Variants in MARK1 observed in about 807,000 individuals in gnomAD.
MARK1 encodes microtubule affinity regulating kinase 1.
A neutral mutation model predicts 96.3 loss-of-function variants in MARK1; 40 were observed. The observed-to-expected ratio is 0.42, with a 90% confidence interval of 0.32 to 0.54. MARK1 has a LOEUF of 0.54. MARK1 is among the 20% of genes least tolerant of loss of function. The probability of loss-of-function intolerance (pLI) is 0.16; values close to 1 mark genes in which losing one functional copy is unlikely to be tolerated. For synonymous variants in MARK1, 317 were observed against 341.2 expected (o/e 0.93, Z 0.78); for missense variants, 719 against 984.6 (o/e 0.73, Z 3.61).
chr1:220,563,052 T>C, intron 1 of MARK1, among the ~76,000 whole-genome samples: 1 of 152,180 alleles, frequency 6.6e-6, no homozygotes, highest in East Asian at 1.9e-4. Context: ...ACACAGTCTC[T>C]TGGCAGGCCA....
intron 1 of MARK1, among the ~76,000 whole-genome samples, chr1:220,561,294 A>T (rs1558259881): frequency 6.6e-6 from 1 of 152,202 alleles, no homozygotes; most frequent in Non-Finnish European, 1.5e-5. Flanking sequence ...CCTGGGCTGC[A>T]TGCAGTCCAG....
At chr1:220,548,575 A>G (rs1226464122) in intron 1 of MARK1, among the ~76,000 whole-genome samples, 4 of 152,100 alleles carry the variant, frequency 2.6e-5, no homozygotes, top group Non-Finnish European at 5.9e-5. Flanking sequence ...CTCCATCTCT[A>G]CTGAAAATAC....
chr1:220,609,569 T>C (rs10157870), intron 6 of MARK1, among the ~76,000 whole-genome samples: 1,694 of 152,322 alleles, frequency 0.011, 27 homozygotes, highest in African/African-American at 0.039. Flanking sequence ...AGGTTAATAT[T>C]GTTAGGTGTG....
chr1:220,535,587 C>T (rs942938885), intron 1 of MARK1, among the ~76,000 whole-genome samples: 6 of 152,028 alleles, frequency 3.9e-5, no homozygotes, highest in African/African-American at 1.2e-4. Flanking sequence ...AAATCTTTGT[C>T]AAGACCAATA....
At chr1:220,630,674 CA>C (rs1222908871) in intron 9 of MARK1, among the ~76,000 whole-genome samples, 1 of 151,910 alleles carries the variant, frequency 6.6e-6, no homozygotes, top group East Asian at 1.9e-4. Context: ...TGGCATAAAA[CA>C]GGAAAAAATT....
At chr1:220,579,169 T>C (rs551416680) in intron 1 of MARK1, among the ~76,000 whole-genome samples, 185 bp from the exon 2 acceptor site, 1 of 152,258 alleles carries the variant, frequency 6.6e-6, no homozygotes, top group Admixed American at 6.5e-5. Context: ...TAAACAATTA[T>C]ACTCTACCTG....
chr1:220,529,557 C>G (rs181345636), intron 1 of MARK1, among the ~76,000 whole-genome samples: 1,703 of 151,204 alleles, frequency 0.011, 28 homozygotes, highest in African/African-American at 0.04. Flanking sequence ...TTTTTAATCT[C>G]TTCCTTAAGT....
intron 9 of MARK1, among the ~76,000 whole-genome samples, chr1:220,624,652 TAACA>T (rs1056244552): frequency 4.9e-4 from 74 of 150,348 alleles, no homozygotes; most frequent in Non-Finnish European, 8.0e-4. Flanking sequence ...TTTCCCCAAA[TAACA>T]AACAAATCAC....
At chr1:220,598,418 A>AT in intron 4 of MARK1, 39 bp downstream of exon 4, 1 of 229,298 alleles carries the variant, frequency 4.4e-6, no homozygotes. Flanking sequence ...ATATATATAT[A>AT]ATTAGCGATG....
intron 4 of MARK1, among the ~76,000 whole-genome samples, chr1:220,599,085 C>T (rs1432352176): frequency 6.6e-6 from 1 of 152,038 alleles, no homozygotes; most frequent in Non-Finnish European, 1.5e-5. Context: ...CATAGGTTTA[C>T]AGGCAAAATA....
chr1:220,541,333 G>C lies in MARK1; in HGVS notation c.51+12460G>C, dbSNP rs535899120. Among the ~76,000 whole-genome samples the C allele has an allele frequency of 2.6e-5, 4 of 152,156 alleles. No individual in the cohort carries two copies. In the East Asian group the frequency reaches 7.7e-4, roughly 29 times the overall value. ...CCATAAGTTTTGCTGTTGTATTTTT[G>C]TTATCTGTCCTGGAGAATGTTCTGT... On this transcript the variant is annotated intron_variant, in intron 1 of 17. Transcript: ENST00000366917.
intron 1 of MARK1, among the ~76,000 whole-genome samples, chr1:220,562,121 A>G (rs1232604518): frequency 6.6e-6 from 1 of 152,182 alleles, no homozygotes; most frequent in Non-Finnish European, 1.5e-5. Context: ...TAACTTGCTT[A>G]TTTGAGAATC....
chr1:220,652,932 C>T (rs2103057989), intron 15 of MARK1, among the ~76,000 whole-genome samples, 169 bp from the exon 16 acceptor site: 1 of 152,196 alleles, frequency 6.6e-6, no homozygotes, highest in Middle Eastern at 3.4e-3. Context: ...CAAAAGGTAC[C>T]TAATTTCAAA....
At chr1:220,633,456 G>C (rs920722884) in intron 11 of MARK1, among the ~76,000 whole-genome samples, 6 of 152,210 alleles carry the variant, frequency 3.9e-5, no homozygotes, top group African/African-American at 1.4e-4. Flanking sequence ...CATTCCAGCT[G>C]ACATATATTG....
intron 6 of MARK1, among the ~76,000 whole-genome samples, chr1:220,611,616 A>G (rs1666448857): frequency 6.6e-6 from 1 of 152,226 alleles, no homozygotes; most frequent in Non-Finnish European, 1.5e-5. Flanking sequence ...AGTTGGAAAT[A>G]TAGAAATCAC....
chr1:220,619,602 A>G (rs1010159113), intron 9 of MARK1, among the ~76,000 whole-genome samples: 41 of 152,240 alleles, frequency 2.7e-4, no homozygotes, highest in Non-Finnish European at 7.3e-5. Flanking sequence ...TGTTGCCTAC[A>G]TATGTTCTGT....
At chr1:220,563,748 C>T (rs1662846820) in intron 1 of MARK1, among the ~76,000 whole-genome samples, 1 of 152,176 alleles carries the variant, frequency 6.6e-6, no homozygotes, top group Admixed American at 6.5e-5. Flanking sequence ...CAAGGTCACA[C>T]AGCTTACAAG....
intron 1 of MARK1, among the ~76,000 whole-genome samples, chr1:220,577,202 G>A (rs1663922464): frequency 6.6e-6 from 1 of 152,120 alleles, no homozygotes; most frequent in Non-Finnish European, 1.5e-5. Flanking sequence ...GATCACTTGA[G>A]GCTGCAGTGA....
At chr1:220,544,229 A>G (rs1340156600) in intron 1 of MARK1, among the ~76,000 whole-genome samples, 1 of 152,198 alleles carries the variant, frequency 6.6e-6, no homozygotes, top group Non-Finnish European at 1.5e-5. Context: ...GGAGTTTACC[A>G]TATGGTGCCT....
Sources: gnomAD v4.1 joint callset for allele counts (sites outside exome capture counted in the v4.1 genomes callset) on GRCh38, gnomAD v4.1.1 for gene constraint, MANE v1.5 for transcripts, NCBI Gene and HGNC (gene_info 2026-07-23, HGNC 2026-07-21) for gene names.